CLEC16A: variants seen among roughly 807,000 people sequenced by gnomAD.
CLEC16A encodes the protein C-type lectin domain containing 16A.
CLEC16A carries 51 observed loss-of-function variants against 109.5 expected under a neutral mutation model. The observed-to-expected ratio is 0.47, with a 90% confidence interval of 0.37 to 0.59. CLEC16A has a LOEUF of 0.59. Ranked by LOEUF, CLEC16A falls within the 20% of genes least tolerant of loss-of-function variation. CLEC16A has a pLI of 0.00. For synonymous variants in CLEC16A, 673 were observed against 564.2 expected, an observed-to-expected ratio of 1.19 and a Z score of -2.73; for missense variants, 1,339 against 1,394.0, an observed-to-expected ratio of 0.96 and a Z score of 0.63.
intron 13 of CLEC16A, among the ~76,000 whole-genome samples, chr16:11,032,493 G>A (rs898992789): frequency 1.2e-4 from 19 of 152,240 alleles, no homozygotes; most frequent in Admixed American, 1.2e-3. Context: ...GCAAGGCCCC[G>A]TCATAGGCAC....
chr16:11,036,469 G>T (rs1401947210), intron 13 of CLEC16A, among the ~76,000 whole-genome samples: 1 of 151,978 alleles, frequency 6.6e-6, no homozygotes, highest in East Asian at 1.9e-4. Flanking sequence ...AGCTCAGCAT[G>T]CCTCTTTTGG....
At chr16:11,107,857 A>G (rs763271648) in intron 19 of CLEC16A, among the ~76,000 whole-genome samples, 1 of 152,132 alleles carries the variant, frequency 6.6e-6, no homozygotes, top group Non-Finnish European at 1.5e-5. Flanking sequence ...GACCTGGGAG[A>G]GATGCATTGC....
At chr16:11,018,178 G>A (rs780306511) in intron 11 of CLEC16A, among the ~76,000 whole-genome samples, 43 of 151,168 alleles carry the variant, frequency 2.8e-4, no homozygotes, top group Non-Finnish European at 5.5e-4. Flanking sequence ...GTGCTGGCAT[G>A]TACCTGTGTT....
intron 22 of CLEC16A, among the ~76,000 whole-genome samples, chr16:11,159,563 A>C (rs1290876324): frequency 6.6e-6 from 1 of 152,252 alleles, no homozygotes; most frequent in Non-Finnish European, 1.5e-5. Flanking sequence ...AAAATGTTTG[A>C]AAAGGGCTGT....
intron 19 of CLEC16A, among the ~76,000 whole-genome samples, chr16:11,110,189 T>C (rs889324344): frequency 1.3e-5 from 2 of 152,176 alleles, no homozygotes. Context: ...GACATTAGCT[T>C]CCTTCCATCC....
intron 19 of CLEC16A, among the ~76,000 whole-genome samples, chr16:11,077,772 A>G (rs1272148164): frequency 6.6e-6 from 1 of 152,228 alleles, no homozygotes; most frequent in Non-Finnish European, 1.5e-5. Context: ...CGGCCTGGAC[A>G]GATTTTTCAA....
At chr16:11,067,195 T>G (rs551597315) in intron 19 of CLEC16A, among the ~76,000 whole-genome samples, 156 of 147,376 alleles carry the variant, frequency 1.1e-3, no homozygotes, top group Admixed American at 2.2e-3. Context: ...TTTTGTTTTT[T>G]TTTTTTTTTT....
chr16:11,105,126 G>A (rs1197453891), intron 19 of CLEC16A, among the ~76,000 whole-genome samples: 1 of 152,190 alleles, frequency 6.6e-6, no homozygotes, highest in African/African-American at 2.4e-5. Flanking sequence ...CATTTTCAGA[G>A]AGGAAATTAT....
In CLEC16A at chr16:11,072,681, T is replaced by C. The variant is rs2049137686; in HGVS notation, c.2116+11659T>C. On this transcript the variant is annotated intron_variant, in intron 19 of 23. Coordinates refer to ENST00000409790, the MANE Select transcript of CLEC16A (RefSeq NM_015226.3). ...AATAGTGCCTACCTCAGGACTGTTC[T>C]GTTGATTAAAAGAGAAAAGTCCATC... 1.3e-5 allele frequency among the ~76,000 whole-genome samples: 2 copies of C among 152,192 alleles called. 1 individual carries two copies. The highest frequency in any genetic ancestry group is 4.1e-4 in the South Asian group (2 of 4,826).
At chr16:11,112,167 A>T (rs2051636528) in intron 19 of CLEC16A, among the ~76,000 whole-genome samples, 1 of 152,178 alleles carries the variant, frequency 6.6e-6, no homozygotes, top group African/African-American at 2.4e-5. Flanking sequence ...TAAGAAAGGA[A>T]ATGGAGAGGA....
chr16:11,011,353 A>G (rs976288594), intron 11 of CLEC16A, among the ~76,000 whole-genome samples: 5 of 151,940 alleles, frequency 3.3e-5, no homozygotes, highest in African/African-American at 1.2e-4. Context: ...TTTATCTCTT[A>G]TTGGTGTGGA....
intron 19 of CLEC16A, among the ~76,000 whole-genome samples, chr16:11,109,218 T>G (rs1252058975): frequency 1.3e-5 from 2 of 149,404 alleles, no homozygotes; most frequent in African/African-American, 2.5e-5. Flanking sequence ...CAGGCAGTGG[T>G]GCAGTGGTGC....
intron 1 of CLEC16A, among the ~76,000 whole-genome samples, chr16:10,953,552 A>G (rs192079334): frequency 3.3e-5 from 5 of 152,356 alleles, no homozygotes; most frequent in Non-Finnish European, 5.9e-5. Context: ...CTACTCATCT[A>G]AAGACCCAGT....
intron 18 of CLEC16A, among the ~76,000 whole-genome samples, chr16:11,054,343 C>T (rs1319354966): frequency 6.6e-6 from 1 of 152,230 alleles, no homozygotes; most frequent in Non-Finnish European, 1.5e-5. Flanking sequence ...ATGTGCCTGC[C>T]TTTCCAGAGT....
At chr16:11,018,748 C>CAAAAAAAAAAAAAAA (rs56911220) in intron 11 of CLEC16A, among the ~76,000 whole-genome samples, 11 of 96,238 alleles carry the variant, frequency 1.1e-4, no homozygotes, top group African/African-American at 4.8e-4. Flanking sequence ...GACTCCATCT[C>CAAAAAAAAAAAAAAA]AAAAAAAAAA....
At chr16:11,142,724 C>G (rs2053893068) in intron 22 of CLEC16A, among the ~76,000 whole-genome samples, 1 of 152,204 alleles carries the variant, frequency 6.6e-6, no homozygotes, top group Admixed American at 6.5e-5. Context: ...TTTGGGACTT[C>G]TTTAGCTTAT....
At chr16:11,158,453 C>A (rs1211308983) in intron 22 of CLEC16A, among the ~76,000 whole-genome samples, 1 of 152,212 alleles carries the variant, frequency 6.6e-6, no homozygotes, top group Admixed American at 6.5e-5. Context: ...AGGCAGCTCT[C>A]CTGTCCAAAT....
At position 11,178,499 on chromosome 16, in the gene CLEC16A, A is replaced by T; in HGVS notation, c.2971A>T (p.Ile991Phe). The T allele has an allele frequency of 6.2e-7, 1 of 1,613,342 alleles. No homozygotes were observed. Among genetic ancestry groups the T allele is most frequent in the African/African-American group, 1.3e-5 (1 of 74,998 alleles). The change falls in exon 24 of 24, where the codon ATT (isoleucine) becomes TTT (phenylalanine). Residue 991 changes from isoleucine to phenylalanine, a missense_variant. Ile to Phe is a conservative substitution (Grantham distance 21, BLOSUM62 0). Transcript: ENST00000409790. This position sits in a 1 kb window ranked among gnomAD's most constrained non-coding sequence, Gnocchi z 6.5. ...PSLVPARQPTISLLCEDTADT... is the reference protein window; with the variant it reads ...PSLVPARQPTFSLLCEDTADT... The stretch of plus-strand genomic sequence containing the variant: ...CCTCGTCCCTGCCCGGCAGCCCACC[A>T]TTTCCCTGCTCTGCGAGGACACGGC...
chr16:11,091,849 C>A (rs546221782), intron 19 of CLEC16A, among the ~76,000 whole-genome samples: 2 of 152,176 alleles, frequency 1.3e-5, no homozygotes, highest in South Asian at 4.2e-4. Flanking sequence ...CCTGAGCTCC[C>A]CCTCGTAAGT....
Sources: gnomAD v4.1 joint callset for allele counts (sites outside exome capture counted in the v4.1 genomes callset) on GRCh38, gnomAD v4.1.1 for gene constraint, Gnocchi (gnomAD v3.1) non-coding constraint, MANE v1.5 for transcripts, NCBI Gene and HGNC (gene_info 2026-07-23, HGNC 2026-07-21) for gene names.